TNKS1BP1: variants seen among roughly 807,000 people sequenced by gnomAD.
TNKS1BP1 encodes the protein CCR4-NOT transcription complex subunit 12, also known as 182 kDa tankyrase-1-binding protein.
A neutral mutation model predicts 141.1 loss-of-function variants in TNKS1BP1; 48 were observed. That is an observed-to-expected ratio of 0.34 (90% CI 0.27 to 0.43). TNKS1BP1 has a LOEUF of 0.43. Among genes scored for constraint, TNKS1BP1 ranks in the 20% least tolerant of loss-of-function variants. The pLI, the probability that TNKS1BP1 is intolerant of heterozygous loss-of-function variation, is 1.00. For missense variants in TNKS1BP1, 2,149 were observed against 2,226.0 expected (o/e 0.97, Z 0.70); for synonymous variants, 875 against 898.2 (o/e 0.97, Z 0.46).
intron 4 of TNKS1BP1, among the ~76,000 whole-genome samples, chr11:57,315,446 G>T (rs1379628862): frequency 6.6e-6 from 1 of 151,908 alleles, no homozygotes; most frequent in Admixed American, 6.6e-5. Flanking sequence ...TTTAAATACA[G>T]CTCTCCAATA....
intron 10 of TNKS1BP1, 75 bp from the exon 11 acceptor site, chr11:57,300,675 C>A: frequency 1.3e-6 from 2 of 1,590,164 alleles, no homozygotes; most frequent in Non-Finnish European, 1.7e-6. Context: ...GTGATAGGGA[C>A]AGAAACCACC....
In TNKS1BP1 at chr11:57,307,136, G is replaced by A. The variant is rs143691758; in HGVS notation, c.4316+1259C>T. On this transcript the variant is annotated intron_variant, in intron 6 of 11. Coordinates refer to ENST00000358252, the MANE Select transcript of TNKS1BP1 (RefSeq NM_033396.3). ...AAGCATGGGGTGTGCAAAGTTCTAT[G>A]AGTCCCAGGAAGAGAAATCAGGAAC... 3.3e-5 allele frequency among the ~76,000 whole-genome samples: 5 copies of A among 152,178 alleles called. No homozygotes were observed. The East Asian group carries it at 9.7e-4, about 29-fold the overall frequency.
chr11:57,306,880 G>A (rs73472510), intron 6 of TNKS1BP1, among the ~76,000 whole-genome samples: 1,971 of 123,838 alleles, frequency 0.016, 45 homozygotes, highest in African/African-American at 0.054. Context: ...CACACAGAAC[G>A]GAAAGGCAGA....
intron 3 of TNKS1BP1, 57 bp downstream of exon 3, chr11:57,320,022 A>AACCCACCC: frequency 1.8e-6 from 2 of 1,118,684 alleles, no homozygotes; most frequent in Non-Finnish European, 2.6e-6. Flanking sequence ...CCCCCACCCA[A>AACCCACCC]TCCCACCCCA....
chr11:57,317,698 C>A, intron 4 of TNKS1BP1, 120 bp downstream of exon 4: 1 of 1,073,312 alleles, frequency 9.3e-7, no homozygotes, highest in Non-Finnish European at 1.4e-6. Context: ...TCCAGTGAGT[C>A]ACTCTCCCCA....
intron 5 of TNKS1BP1, chr11:57,311,560 G>A (rs1410698624): frequency 1.0e-5 from 7 of 672,858 alleles, no homozygotes; most frequent in African/African-American, 3.9e-5. Context: ...CCCACATCCC[G>A]GGACAGACAC....
intron 6 of TNKS1BP1, among the ~76,000 whole-genome samples, chr11:57,306,915 T>TGGG (rs1855621602): frequency 4.4e-5 from 1 of 22,566 alleles, no homozygotes; most frequent in Admixed American, 4.3e-4. Context: ...GGGGGGGGGG[T>TGGG]TGGGTGGGAG....
intron 6 of TNKS1BP1, among the ~76,000 whole-genome samples, chr11:57,305,234 C>G (rs1450298767): frequency 1.3e-5 from 2 of 152,252 alleles, no homozygotes; most frequent in Non-Finnish European, 2.9e-5. Flanking sequence ...ATTTGTCCCA[C>G]TCTGAACCTC....
intron 6 of TNKS1BP1, among the ~76,000 whole-genome samples, chr11:57,305,020 C>T (rs1038444186): frequency 3.9e-5 from 6 of 152,176 alleles, no homozygotes; most frequent in African/African-American, 1.2e-4. Flanking sequence ...ACGTCCACCC[C>T]GCCGGACTAA....
At chr11:57,323,990 A>T (rs1855923673) in intron 1 of TNKS1BP1, among the ~76,000 whole-genome samples, 1 of 152,192 alleles carries the variant, frequency 6.6e-6, no homozygotes, top group Non-Finnish European at 1.5e-5. Flanking sequence ...CCAGGTGACC[A>T]AGGCCACCAA....
In TNKS1BP1 at chr11:57,312,907, T is replaced by G. The variant is rs1565043241; in HGVS notation, c.1781A>C (p.Glu594Ala). 1 of 1,610,248 alleles carries G rather than the reference T, an allele frequency of 6.2e-7. No individual in the cohort carries two copies. Among genetic ancestry groups the G allele is most frequent in the East Asian group, 2.2e-5 (1 of 44,764 alleles). The change falls in exon 5 of 12, where the codon GAG (glutamate) becomes GCG (alanine). Residue 594 changes from glutamate (E) to alanine (A), a missense_variant. Glu to Ala is a moderately radical substitution (Grantham distance 107). Transcript: ENST00000358252. The part of the protein sequence containing the change: ...QQAEERYESQ[E>A]PLAGQESPLP... ...AGGGGACTCCTGTCCAGCCAAGGGC[T>G]CCTGCGACTCGTATCTCTCCTCTGC...
chr11:57,320,327 C>G lies in TNKS1BP1; in HGVS notation c.480G>C (p.Thr160=). 3 of 1,614,184 alleles carry G rather than the reference C, an allele frequency of 1.9e-6. No individual in the cohort carries two copies. In the East Asian group the frequency reaches 6.7e-5, roughly 36 times the overall value. Residue 160 remains threonine, a synonymous_variant, in exon 3 of 12, where the codon ACG becomes ACC. Transcript: ENST00000358252. ...RPASERFAAT[T]VEEILAKMEQ... ...CCATCTTGGCCAGGATCTCTTCCAC[C>G]GTGGTGGCCGCGAAGCGCTCTGAGG...
intron 1 of TNKS1BP1, chr11:57,322,399 C>T: frequency 6.1e-6 from 5 of 814,948 alleles, no homozygotes; most frequent in Non-Finnish European, 7.4e-6. Context: ...GCCTGCCTCC[C>T]CCTTCCCACT....
In TNKS1BP1 at chr11:57,309,060, C is replaced by T. The variant is rs768662992; in HGVS notation, c.3651G>A (p.Pro1217=). 26 of 1,614,040 alleles carry T rather than the reference C, an allele frequency of 1.6e-5. No homozygotes were observed. Among genetic ancestry groups the T allele is most frequent in the South Asian group, 8.8e-5 (8 of 91,076 alleles). ...CCTTCTCCCCAACTCCGATTCCCCC[C>T]GGCTCTTCAGACCCTCCACTTTCCA... ...GCLESGGSEE[P]GGIGVGEKDW... The change falls in exon 6 of 12, where the codon CCG becomes CCA. Residue 1217 remains proline (P), a synonymous_variant. Transcript: ENST00000358252. This position sits in a 1 kb window ranked among gnomAD's most constrained non-coding sequence, Gnocchi z 4.3.
chr11:57,314,919 C>T (rs1012445897), intron 4 of TNKS1BP1, among the ~76,000 whole-genome samples: 1 of 152,198 alleles, frequency 6.6e-6, no homozygotes, highest in Non-Finnish European at 1.5e-5. Context: ...GCTCACTCCC[C>T]TCTGCAACGT....
In TNKS1BP1 at chr11:57,322,340, C is replaced by A. The variant is rs1047797580; in HGVS notation, c.-65-390G>T. The A allele has an allele frequency of 5.1e-6, 5 of 986,866 alleles. 1 individual carries two copies. The highest frequency in any genetic ancestry group is 6.0e-6 in the Non-Finnish European group (5 of 830,824). The allele number at this position is 986,866 out of a possible 1,614,324, so 61.1% of individuals were successfully genotyped here. ...TGAAGTCTGTCTGTGAATCACCTCA[C>A]GGGAGACGGGAAAAACCCGCTCCTC... On this transcript the variant is annotated intron_variant, in intron 1 of 11. Transcript: ENST00000358252.
chr11:57,318,032 A>G (rs975881433), intron 3 of TNKS1BP1, 145 bp from the exon 4 acceptor site: 2 of 716,842 alleles, frequency 2.8e-6, no homozygotes, highest in African/African-American at 1.8e-5. Flanking sequence ...CCCTGCCTGC[A>G]ACTATTAGGG....
In TNKS1BP1 at chr11:57,310,033, G is replaced by C; in HGVS notation, c.2678C>G (p.Ser893Cys). ...ATCTTGGCTGGCATAAGCACCCAGA[G>C]AATCTCTCTTCCCAAATTCCCAGTC... is the stretch of plus-strand genomic sequence containing the variant. ...LGDWEFGKRD[S>C]LGAYASQDAN... Residue 893 changes from serine (S) to cysteine (C), a missense_variant, in exon 6 of 12, where the codon TCT becomes TGT. By Grantham distance (112) the Ser-to-Cys change is moderately radical. Transcript: ENST00000358252. The C allele has an allele frequency of 6.2e-7, 1 of 1,614,178 alleles. No individual in the cohort carries two copies. The highest frequency in any genetic ancestry group is 1.1e-5 in the South Asian group (1 of 91,082).
At chr11:57,317,289 C>T (rs1458280717) in intron 4 of TNKS1BP1, among the ~76,000 whole-genome samples, 1 of 152,212 alleles carries the variant, frequency 6.6e-6, no homozygotes, top group East Asian at 1.9e-4. Context: ...CTCAAGAAAG[C>T]AGGCTGACCA....
Sources: allele counts gnomAD v4.1 joint callset (sites outside exome capture counted in the v4.1 genomes callset), GRCh38; gene constraint gnomAD v4.1.1; non-coding constraint Gnocchi (gnomAD v3.1); transcripts MANE v1.5; gene names NCBI Gene and HGNC (gene_info 2026-07-23, HGNC 2026-07-21).